PLK4: variants seen among roughly 807,000 people sequenced by gnomAD.
The protein encoded by PLK4 is polo like kinase 4, also known as serine/threonine-protein kinase PLK4.
A neutral mutation model predicts 103.0 loss-of-function variants in PLK4; 51 were observed. The ratio of observed to expected loss-of-function variants is 0.50; its 90% confidence interval spans 0.40 to 0.63. The LOEUF (loss-of-function observed/expected upper bound fraction) is 0.63. PLK4 is among the 20% of genes least tolerant of loss of function. The pLI is 0.00. For synonymous variants in PLK4, 389 were observed against 376.8 expected (o/e 1.03, Z -0.38); for missense variants, 1,054 against 1,151.0 (o/e 0.92, Z 1.22).
chr4:127,895,375 G>T (rs1269981360), intron 14 of PLK4, among the ~76,000 whole-genome samples: 2 of 149,588 alleles, frequency 1.3e-5, no homozygotes, highest in African/African-American at 4.9e-5. Context: ...ATTACTAATT[G>T]TGAAGAGTAG....
chr4:127,885,850 A>T lies in PLK4; in HGVS notation c.480A>T (p.Gln160His), dbSNP rs775334037. The change falls in exon 5 of 16, where the codon CAA (glutamine) becomes CAT (histidine). Residue 160 changes from glutamine to histidine, a missense_variant. This residue lies in a region of PLK4 where 199 missense variants were observed against 270.1 expected (regional missense o/e 0.74). Transcript: ENST00000270861. ...TTGCTGATTTTGGGCTGGCAACTCA[A>T]CTGAAAATGCCACATGAAAAGCACT... ...IKIADFGLATQLKMPHEKHYT... is the reference protein window; with the variant it reads ...IKIADFGLATHLKMPHEKHYT... The T allele has an allele frequency of 6.2e-7, 1 of 1,614,018 alleles. No individual in the cohort carries two copies. The highest frequency in any genetic ancestry group is 8.5e-7 in the Non-Finnish European group (1 of 1,180,028).
Position 127,886,684 on chromosome 4 carries a change from C to T in PLK4, c.1314C>T (p.Ser438=), listed in dbSNP as rs1431411718. Reference sequence around the variant, plus strand: ...TTAACTTCTTTAAAGAAAAGACATCCAGTAGTTCTGGATCTTTTGAAAGAC... The same window carrying T: ...TTAACTTCTTTAAAGAAAAGACATCTAGTAGTTCTGGATCTTTTGAAAGAC... ...NIFNFFKEKT[S]SSSGSFERPD... Residue 438 remains serine (S), a synonymous_variant, in exon 5 of 16, where the codon TCC becomes TCT. Coordinates refer to ENST00000270861, the MANE Select transcript of PLK4 (RefSeq NM_014264.5). The T allele has an allele frequency of 1.9e-6, 3 of 1,611,392 alleles. No individual in the cohort carries two copies. The highest frequency in any genetic ancestry group is 1.7e-6 in the Non-Finnish European group (2 of 1,178,624).
Position 127,883,460 on chromosome 4 carries a change from A to G in PLK4, c.244A>G (p.Ser82Gly), listed in dbSNP as rs2148816133. 1.3e-6 allele frequency: 2 copies of G among 1,508,184 alleles called. No individual in the cohort carries two copies. Among genetic ancestry groups the G allele is most frequent in the Non-Finnish European group, 1.8e-6 (2 of 1,084,842 alleles). The allele number at this position is 1,508,184 out of a possible 1,614,324, so 93.4% of individuals were successfully genotyped here. A position where few individuals can be genotyped will look rare whatever the true frequency, so the allele number is the denominator to read the frequency against. ...ILELYNYFED[S>G]NYVYLVLEMC... Reference sequence around the variant, plus strand: ...TCAGCTTTATAACTATTTTGAAGATAGCAATTATGTGTATCTGGTATTAGA... The same window carrying G: ...TCAGCTTTATAACTATTTTGAAGATGGCAATTATGTGTATCTGGTATTAGA... Residue 82 changes from serine to glycine, a missense_variant, in exon 4 of 16, where the codon AGC (serine) becomes GGC (glycine). Ser to Gly is a moderately conservative substitution (Grantham distance 56). Coordinates refer to ENST00000270861, the MANE Select transcript of PLK4 (RefSeq NM_014264.5).
In PLK4 at chr4:127,886,360, T is replaced by C; in HGVS notation, c.990T>C (p.Ser330=). 1 of 1,613,754 alleles carries C rather than the reference T, an allele frequency of 6.2e-7. No homozygotes were observed. The highest frequency in any genetic ancestry group is 8.5e-7 in the Non-Finnish European group (1 of 1,179,912). The stretch of plus-strand genomic sequence containing the variant: ...TGACTGTATTTCCAAAGAATAAAAG[T>C]TCAACTGATTTTTCTTCTTCAGGAG... ...NKMTVFPKNK[S]STDFSSSGDG... is the part of the protein sequence containing the mutation. Residue 330 remains serine, a synonymous_variant, in exon 5 of 16, where the codon AGT becomes AGC. Coordinates refer to ENST00000270861, the MANE Select transcript of PLK4 (RefSeq NM_014264.5).
Position 127,886,698 on chromosome 4 carries a change from C to T in PLK4, c.1328C>T (p.Ser443Phe), listed in dbSNP as rs2148818386. Residue 443 changes from serine (S) to phenylalanine (F), a missense_variant, in exon 5 of 16, where the codon TCT (serine) becomes TTT (phenylalanine). By Grantham distance (155) the Ser-to-Phe change is radical. Around this residue, in one of 4 missense-constraint regions of PLK4, gnomAD observed 680 missense variants for 660.3 expected, o/e 1.03. Transcript: ENST00000270861. ...GAAAAGACATCCAGTAGTTCTGGAT[C>T]TTTTGAAAGACCTGATAACAATCAA... ...FKEKTSSSSG[S>F]FERPDNNQAL... The T allele has an allele frequency of 6.2e-7, 1 of 1,607,434 alleles. No individual in the cohort carries two copies. The highest frequency in any genetic ancestry group is 1.1e-5 in the South Asian group (1 of 90,038).
In PLK4 at chr4:127,881,010, C is replaced by G. The variant is rs751693330; in HGVS notation, c.-125C>G. On this transcript the variant is annotated 5_prime_UTR_variant, in exon 1 of 16. Coordinates refer to ENST00000270861, the MANE Select transcript of PLK4 (RefSeq NM_014264.5). ...CTTTCCGTGGTTTCAGCGTCGTCGC[C>G]TGGAGCGGCGGTTTAGAGAGCCGAG... 9.1e-7 allele frequency: 1 copy of G among 1,099,028 alleles called. No homozygotes were observed. The highest frequency in any genetic ancestry group is 2.5e-5 in the East Asian group (1 of 40,724). 68.1% of individuals were successfully genotyped at this position (1,099,028 alleles called of 1,614,324 possible).
At position 127,886,066 on chromosome 4, in the gene PLK4, T is replaced by A. The variant is rs1735112434; in HGVS notation, c.696T>A (p.Ser232=). ...TATTGGCAGATTATGAAATGCCATCTTTTTTGTCAATAGAGGCCAAGGACC... is the reference window on the plus strand; with the variant it reads ...TATTGGCAGATTATGAAATGCCATCATTTTTGTCAATAGAGGCCAAGGACC... ...KVVLADYEMP[S]FLSIEAKDLI... is the part of the protein sequence containing the mutation. The change falls in exon 5 of 16, where the codon TCT becomes TCA. Residue 232 remains serine, a synonymous_variant. Coordinates refer to ENST00000270861, the MANE Select transcript of PLK4 (RefSeq NM_014264.5). 5.0e-6 allele frequency: 8 copies of A among 1,613,786 alleles called. No individual in the cohort carries two copies. The highest frequency in any genetic ancestry group is 5.1e-6 in the Non-Finnish European group (6 of 1,179,788).
intron 4 of PLK4, among the ~76,000 whole-genome samples, chr4:127,884,790 A>AG (rs1350584980): frequency 1.3e-5 from 2 of 151,962 alleles, no homozygotes; most frequent in Non-Finnish European, 2.9e-5. Flanking sequence ...TACAAAAAAA[A>AG]TTAGCTCGGT....
At chr4:127,885,116 T>C (rs1229512346) in intron 4 of PLK4, among the ~76,000 whole-genome samples, 1 of 152,160 alleles carries the variant, frequency 6.6e-6, no homozygotes, top group East Asian at 1.9e-4. Flanking sequence ...TAGGCTTCTC[T>C]TAACTGCATG....
intron 7 of PLK4, 123 bp from the exon 8 acceptor site, chr4:127,890,969 G>C: frequency 1.8e-6 from 1 of 550,204 alleles, no homozygotes; most frequent in Admixed American, 3.1e-5. Flanking sequence ...TAGTGAAGCA[G>C]CTTTGATTTT....
chr4:127,881,075 G>C lies in PLK4; in HGVS notation c.-60G>C. On this transcript the variant is annotated 5_prime_UTR_variant, in exon 1 of 16. Coordinates refer to ENST00000270861, the MANE Select transcript of PLK4 (RefSeq NM_014264.5). ...AGGCCGGCTGGCTGCTTGGAGCGCT[G>C]CCTCGAAGGGACTGCGTGAAGGAAG... The C allele has an allele frequency of 6.3e-7, 1 of 1,597,210 alleles. No individual in the cohort carries two copies. Among genetic ancestry groups the C allele is most frequent in the African/African-American group, 1.3e-5 (1 of 74,756 alleles).
chr4:127,897,173 G>T (rs1353445313), intron 15 of PLK4, among the ~76,000 whole-genome samples: 1 of 152,052 alleles, frequency 6.6e-6, no homozygotes, highest in Non-Finnish European at 1.5e-5. Context: ...AGTGTAACTC[G>T]ATGGCCTTTT....
At chr4:127,896,750 G>GTTTTT in intron 14 of PLK4, 51 bp from the exon 15 acceptor site, 2 of 821,628 alleles carry the variant, frequency 2.4e-6, no homozygotes. Flanking sequence ...TACTACTGCT[G>GTTTTT]TTTTTTTTTT....
Position 127,886,178 on chromosome 4 carries a change from T to G in PLK4, c.808T>G (p.Ser270Ala), listed in dbSNP as rs1553938890. 1 of 1,613,978 alleles carries G rather than the reference T, an allele frequency of 6.2e-7. No individual in the cohort carries two copies. Among genetic ancestry groups the G allele is most frequent in the South Asian group, 1.1e-5 (1 of 90,990 alleles). Residue 270 changes from serine to alanine, a missense_variant, in exon 5 of 16, where the codon TCA becomes GCA. By Grantham distance (99) the Ser-to-Ala change is moderately conservative. Transcript: ENST00000270861. ...CCATCCTTTTATGTCCCGAAATTCT[T>G]CAACAAAAAGTAAAGATTTAGGAAC... ...LDHPFMSRNS[S>A]TKSKDLGTVE...
chr4:127,897,824 CTTTTTTTTTTTTTT>C (rs200741150), intron 15 of PLK4, among the ~76,000 whole-genome samples: 132 of 28,806 alleles, frequency 4.6e-3, no homozygotes, highest in African/African-American at 0.022. Context: ...AGAATTAGGG[CTTTTTTTTTTTTTT>C]TTTTTTTTTT....
chr4:127,891,151 A>G lies in PLK4; in HGVS notation c.1890A>G (p.Gln630=). 6.3e-7 allele frequency: 1 copy of G among 1,597,676 alleles called. No individual in the cohort carries two copies. Among genetic ancestry groups the G allele is most frequent in the Non-Finnish European group, 8.6e-7 (1 of 1,167,802 alleles). ...AGCTTGTAAAGGAGTATGCATCTCA[A>G]GAATATGTGAAAGAAGTTCTTCAGA... ...CVELVKEYAS[Q]EYVKEVLQIS... is the part of the protein sequence containing the mutation. Residue 630 remains glutamine, a synonymous_variant, in exon 8 of 16, where the codon CAA becomes CAG. Transcript: ENST00000270861.
At chr4:127,887,533 T>C in intron 6 of PLK4, 37 bp downstream of exon 6, 1 of 1,194,078 alleles carries the variant, frequency 8.4e-7, no homozygotes, top group Non-Finnish European at 1.2e-6. Context: ...AAGAATTAAT[T>C]ACTTGGAAAC....
chr4:127,893,034 T>C (rs1420223109), intron 10 of PLK4, among the ~76,000 whole-genome samples: 1 of 152,082 alleles, frequency 6.6e-6, no homozygotes, highest in East Asian at 1.9e-4. Context: ...CCTTCAATTA[T>C]GTTTTTGTAT....
chr4:127,893,271 T>A lies in PLK4; in HGVS notation c.2189-14T>A, dbSNP rs779997813. On this transcript the variant is annotated splice_polypyrimidine_tract_variant and intron_variant, in intron 10 of 15. Transcript: ENST00000270861. ...AAAGGATAAGAGAACAGTTTTCTGA[T>A]TTTTTTTTTTTAGGGGTAAAAATAC... 5 of 496,804 alleles carry A rather than the reference T, an allele frequency of 1.0e-5. No individual in the cohort carries two copies. The highest frequency in any genetic ancestry group is 1.4e-5 in the Non-Finnish European group (5 of 350,396). 30.8% of individuals were successfully genotyped at this position (496,804 alleles called of 1,614,324 possible).
Sources: gnomAD v4.1 joint callset for allele counts (sites outside exome capture counted in the v4.1 genomes callset) on GRCh38, gnomAD v4.1.1 for gene constraint, gnomAD v4.1.1 regional missense constraint, MANE v1.5 for transcripts, NCBI Gene and HGNC (gene_info 2026-07-23, HGNC 2026-07-21) for gene names.